Variants in TASP1 observed in about 807,000 individuals in gnomAD.
TASP1 encodes threonine aspartase 1.
A neutral mutation model predicts 56.6 loss-of-function variants in TASP1; 16 were observed. The observed-to-expected ratio is 0.28, with a 90% CI of 0.19 to 0.43. The LOEUF is 0.43. Among genes scored for constraint, TASP1 ranks in the 20% least tolerant of loss-of-function variants. TASP1 has a pLI of 1.00. For synonymous variants in TASP1, 179 were observed against 184.2 expected, an observed-to-expected ratio of 0.97 and a Z score of 0.23; for missense variants, 393 against 511.6, an observed-to-expected ratio of 0.77 and a Z score of 2.24.
intron 12 of TASP1, among the ~76,000 whole-genome samples, chr20:13,431,361 G>A (rs1405625405): frequency 1.3e-5 from 2 of 152,116 alleles, no homozygotes; most frequent in Non-Finnish European, 2.9e-5. Flanking sequence ...TGATCTTGAT[G>A]ACTGAAATAG....
At chr20:13,284,455 C>T in the TASP1 span, among the ~76,000 whole-genome samples, 36 of 152,146 alleles carry the variant, frequency 2.4e-4, no homozygotes, top group East Asian at 1.9e-4. Context: ...TTTTTCCTGC[C>T]GTTGTCATTA....
chr20:13,389,323 C>T (rs940469470), downstream of TASP1: 10 of 152,172 alleles, frequency 6.6e-5, no homozygotes, highest in African/African-American at 2.4e-4. Context: ...ATCAGAACAA[C>T]AGCAAGATGG....
At chr20:13,423,748 T>G (rs1007556331) in intron 12 of TASP1, among the ~76,000 whole-genome samples, 1 of 152,222 alleles carries the variant, frequency 6.6e-6, no homozygotes, top group Non-Finnish European at 1.5e-5. Context: ...CTGAAACTTC[T>G]GAATTTGATC....
At chr20:13,569,632 C>G (rs2046648143) in intron 6 of TASP1, 46 bp from the exon 7 acceptor site, 1 of 1,495,594 alleles carries the variant, frequency 6.7e-7, no homozygotes, top group South Asian at 1.1e-5. Context: ...GTCATCTTCT[C>G]CTACATATTC....
intron 6 of TASP1, 67 bp from the exon 7 acceptor site, chr20:13,569,653 G>A (rs2046649151): frequency 7.4e-7 from 1 of 1,342,690 alleles, no homozygotes; most frequent in South Asian, 1.2e-5. Context: ...AATAAATATA[G>A]GTAATATGGT....
rs183098650 is a variant in TASP1 at position 13,463,840 on chromosome 20, G to C, written c.985+19387C>G. ...ATTAGGATGGCTACTATCAAAAAAA[G>C]AAAAAACCCAGAAAATAACAAGTAT... On this transcript the variant is annotated intron_variant, in intron 11 of 13. Coordinates refer to ENST00000337743, the MANE Select transcript of TASP1 (RefSeq NM_017714.3). Among the ~76,000 whole-genome samples, 3 of 152,002 alleles carry C rather than the reference G, an allele frequency of 2.0e-5. No homozygotes were observed. In the East Asian group the frequency reaches 5.8e-4, roughly 29 times the overall value.
chr20:13,352,764 G>GTT, the TASP1 span, among the ~76,000 whole-genome samples: 1 of 152,142 alleles, frequency 6.6e-6, no homozygotes, highest in Non-Finnish European at 1.5e-5. Context: ...TTGAACCAGT[G>GTT]TTTTAAGATA....
At chr20:13,627,145 GT>G (rs2048924171) in intron 2 of TASP1, among the ~76,000 whole-genome samples, 1 of 152,076 alleles carries the variant, frequency 6.6e-6, no homozygotes, top group African/African-American at 2.4e-5. Flanking sequence ...GCGTTTAGTT[GT>G]TTGAATATTA....
At chr20:13,131,560 C>T in the TASP1 span, among the ~76,000 whole-genome samples, 1 of 152,196 alleles carries the variant, frequency 6.6e-6, no homozygotes, top group Non-Finnish European at 1.5e-5. Context: ...GCTTTACCCA[C>T]CCTGGAGTTC....
chr20:13,467,086 A>G (rs994080620), intron 11 of TASP1, among the ~76,000 whole-genome samples: 6 of 152,030 alleles, frequency 3.9e-5, no homozygotes, highest in African/African-American at 1.4e-4. Context: ...AAAGTAATAC[A>G]ATGAAGATTT....
the TASP1 span, among the ~76,000 whole-genome samples, chr20:13,352,548 CT>C: frequency 6.6e-6 from 1 of 151,962 alleles, no homozygotes; most frequent in African/African-American, 2.4e-5. Context: ...ATTTATATTC[CT>C]TCAGCATATT....
At chr20:13,272,791 A>G in the TASP1 span, among the ~76,000 whole-genome samples, 1 of 152,200 alleles carries the variant, frequency 6.6e-6, no homozygotes, top group Non-Finnish European at 1.5e-5. Context: ...GAAGGCACTG[A>G]CTTCATACCG....
the TASP1 span, among the ~76,000 whole-genome samples, chr20:13,366,829 G>A: frequency 2.6e-5 from 4 of 151,962 alleles, no homozygotes; most frequent in East Asian, 1.9e-4. Flanking sequence ...CAGAGTCTAC[G>A]CTTCTCTTGG....
the TASP1 span, among the ~76,000 whole-genome samples, chr20:13,202,435 A>G: frequency 6.6e-6 from 1 of 152,206 alleles, no homozygotes; most frequent in Admixed American, 6.5e-5. Flanking sequence ...CATTTATGTA[A>G]TTTAATTCTG....
the TASP1 span, among the ~76,000 whole-genome samples, chr20:13,365,012 GAACA>G: frequency 6.6e-6 from 1 of 152,018 alleles, no homozygotes; most frequent in African/African-American, 2.4e-5. Context: ...ATAATTTTCA[GAACA>G]AACAGATCAA....
intron 4 of TASP1, among the ~76,000 whole-genome samples, chr20:13,603,993 G>A (rs1268247428): frequency 6.6e-6 from 1 of 152,138 alleles, no homozygotes; most frequent in Admixed American, 6.6e-5. Flanking sequence ...TCTGTCTCCA[G>A]CAAGAATTCT....
intron 13 of TASP1, among the ~76,000 whole-genome samples, chr20:13,402,004 G>T (rs1160133684): frequency 6.6e-6 from 1 of 152,146 alleles, no homozygotes; most frequent in Non-Finnish European, 1.5e-5. Flanking sequence ...CTAAAATAAA[G>T]AAGTTCATCC....
chr20:13,468,621 A>T (rs994772371), intron 11 of TASP1, among the ~76,000 whole-genome samples: 6 of 152,146 alleles, frequency 3.9e-5, no homozygotes, highest in Admixed American at 1.3e-4. Context: ...CCCTATTCAG[A>T]CTAATTAGTC....
chr20:13,350,477 AC>A, the TASP1 span, among the ~76,000 whole-genome samples: 5 of 152,220 alleles, frequency 3.3e-5, no homozygotes, highest in Non-Finnish European at 5.9e-5. Flanking sequence ...ATCACATTAT[AC>A]AATTTTAAGG....
Sources: gnomAD v4.1 joint callset for allele counts (sites outside exome capture counted in the v4.1 genomes callset) on GRCh38, gnomAD v4.1.1 for gene constraint, MANE v1.5 for transcripts, NCBI Gene and HGNC (gene_info 2026-07-23, HGNC 2026-07-21) for gene names.